ZPBP: variants seen among roughly 807,000 people sequenced by gnomAD.
ZPBP encodes the protein zona pellucida-binding protein 1.
Under a neutral mutation model 44.8 loss-of-function variants are expected in ZPBP, and 26 were observed. That is an observed-to-expected ratio of 0.58 (90% confidence interval 0.43 to 0.81). The LOEUF is 0.81. ZPBP is among the 30% of genes least tolerant of loss of function. ZPBP has a pLI of 0.00. For missense variants in ZPBP, 409 were observed against 434.0 expected (o/e 0.94, Z 0.51); for synonymous variants, 174 against 153.2 (o/e 1.14, Z -1.00).
intron 3 of ZPBP, among the ~76,000 whole-genome samples, chr7:50,079,921 C>T (rs929581216): frequency 2.6e-5 from 4 of 151,536 alleles, no homozygotes. Context: ...AATGCAATTA[C>T]CTTTGTAAAT....
At chr7:49,977,301 G>A (rs1796575590) in intron 7 of ZPBP, among the ~76,000 whole-genome samples, 1 of 151,982 alleles carries the variant, frequency 6.6e-6, no homozygotes, top group Admixed American at 6.5e-5. Flanking sequence ...GTTTTATTTC[G>A]TACTGATAAT....
intron 5 of ZPBP, 74 bp downstream of exon 5, chr7:50,031,018 G>C: frequency 7.9e-7 from 1 of 1,264,598 alleles, no homozygotes; most frequent in Non-Finnish European, 1.2e-6. Flanking sequence ...AAAATGCTGT[G>C]AGTAATTAAC....
intron 2 of ZPBP, among the ~76,000 whole-genome samples, chr7:50,086,882 G>A (rs1802684940): frequency 6.6e-6 from 1 of 151,990 alleles, no homozygotes; most frequent in Non-Finnish European, 1.5e-5. Context: ...TCCATAGCCA[G>A]ACACATCATA....
At chr7:49,922,570 A>G (rs1301632857) in intron 1 of ZPBP, among the ~76,000 whole-genome samples, 1 of 152,188 alleles carries the variant, frequency 6.6e-6, no homozygotes, top group Admixed American at 6.5e-5. Flanking sequence ...AACGGCTGGA[A>G]AAGCCCAAAT....
intron 1 of ZPBP, among the ~76,000 whole-genome samples, chr7:49,902,902 A>G (rs1792849258): frequency 6.6e-6 from 1 of 152,210 alleles, no homozygotes; most frequent in Non-Finnish European, 1.5e-5. Flanking sequence ...GAACATATAA[A>G]TAACACAACA....
intron 2 of ZPBP, among the ~76,000 whole-genome samples, chr7:49,853,920 T>G (rs1345198588): frequency 7.3e-6 from 1 of 136,590 alleles, no homozygotes; most frequent in Non-Finnish European, 1.5e-5. Flanking sequence ...TGTGTCCAAA[T>G]GTTTTCATTG....
At chr7:50,012,151 G>T (rs1331914372) in intron 6 of ZPBP, among the ~76,000 whole-genome samples, 1 of 151,582 alleles carries the variant, frequency 6.6e-6, no homozygotes, top group African/African-American at 2.4e-5. Context: ...ATATCAGAAA[G>T]ATAATATTAG....
the ZPBP span, among the ~76,000 whole-genome samples, chr7:49,845,232 G>T: frequency 6.6e-6 from 1 of 151,398 alleles, no homozygotes; most frequent in Non-Finnish European, 1.5e-5. Context: ...CATGGCACAC[G>T]TTTACCTATG....
chr7:50,046,357 G>A (rs1400188259), intron 4 of ZPBP, among the ~76,000 whole-genome samples: 2 of 152,026 alleles, frequency 1.3e-5, no homozygotes, highest in Non-Finnish European at 2.9e-5. Context: ...AGAGTGAACA[G>A]GCAACCTACA....
intron 2 of ZPBP, among the ~76,000 whole-genome samples, chr7:49,894,242 G>C (rs1299768677): frequency 6.6e-6 from 1 of 152,048 alleles, no homozygotes; most frequent in Non-Finnish European, 1.5e-5. Flanking sequence ...CCTCAGCCTC[G>C]ACCACCCAGG....
chr7:49,954,354 CAT>C (rs1795479762), intron 7 of ZPBP, among the ~76,000 whole-genome samples: 1 of 152,074 alleles, frequency 6.6e-6, no homozygotes, highest in Admixed American at 6.6e-5. Flanking sequence ...TGGAAAAAAA[CAT>C]AAGGTTAAAT....
chr7:50,065,404 G>A (rs1268289633), intron 3 of ZPBP, among the ~76,000 whole-genome samples: 1 of 150,866 alleles, frequency 6.6e-6, no homozygotes, highest in East Asian at 1.9e-4. Context: ...GTAAGTAGGA[G>A]TCATTCTGGG....
chr7:50,005,145 T>A (rs900592464), intron 6 of ZPBP, among the ~76,000 whole-genome samples: 1 of 151,598 alleles, frequency 6.6e-6, no homozygotes, highest in African/African-American at 2.4e-5. Flanking sequence ...GCTAAAAAAA[T>A]TTTAAATGCT....
intron 5 of ZPBP, among the ~76,000 whole-genome samples, chr7:50,026,373 A>G (rs976046930): frequency 1.3e-5 from 2 of 151,918 alleles, no homozygotes; most frequent in Admixed American, 1.3e-4. Flanking sequence ...TCAATATTGA[A>G]TATAAAAGGC....
At chr7:50,020,718 C>T (rs185960888) in intron 5 of ZPBP, among the ~76,000 whole-genome samples, 3 of 152,050 alleles carry the variant, frequency 2.0e-5, no homozygotes. Context: ...AAACTGCTGG[C>T]CACCTTTTTC....
intron 6 of ZPBP, among the ~76,000 whole-genome samples, chr7:50,003,091 T>C (rs1216699593): frequency 6.6e-6 from 1 of 152,192 alleles, no homozygotes; most frequent in Non-Finnish European, 1.5e-5. Context: ...GACATACTAG[T>C]ACTGAAAATG....
intron 7 of ZPBP, among the ~76,000 whole-genome samples, chr7:49,952,318 GGTCA>G (rs1795380344): frequency 6.6e-6 from 1 of 151,868 alleles, no homozygotes; most frequent in Non-Finnish European, 1.5e-5. Flanking sequence ...CAAAAGGAGA[GGTCA>G]GTCAATCATG....
At position 49,863,245 on chromosome 7, in the gene ZPBP, G is replaced by C. The variant is rs568684416; in HGVS notation, n.510-12731C>G. Among the ~76,000 whole-genome samples the C allele has an allele frequency of 1.6e-4, 24 of 152,184 alleles. 1 individual carries two copies. In the South Asian group the frequency reaches 5.0e-3, roughly 32 times the overall value. On this transcript the variant is annotated intron_variant and non_coding_transcript_variant, in intron 2 of 2. Transcript: ENST00000465922. ...TTTCACGTAGTTTATCTAATTTGTT[G>C]GAGTACATTTGTTCATAGCAATCCT...
intron 7 of ZPBP, among the ~76,000 whole-genome samples, chr7:49,972,269 A>C (rs1347952944): frequency 2.0e-5 from 3 of 151,770 alleles, no homozygotes; most frequent in Non-Finnish European, 2.9e-5. Flanking sequence ...AAAATAAATA[A>C]AAGACATCCA....
Sources: allele counts gnomAD v4.1 joint callset (sites outside exome capture counted in the v4.1 genomes callset), GRCh38; gene constraint gnomAD v4.1.1; transcripts MANE v1.5; gene names NCBI Gene and HGNC (gene_info 2026-07-23, HGNC 2026-07-21).